Variants in NCK2 observed in about 807,000 individuals in gnomAD.
NCK2 encodes cytoplasmic protein NCK2.
NCK2 carries 16 observed loss-of-function variants against 33.9 expected under a neutral mutation model. The ratio of observed to expected loss-of-function variants is 0.47; its 90% CI spans 0.32 to 0.72. The LOEUF is 0.72. Among genes scored for constraint, NCK2 ranks in the 30% least tolerant of loss-of-function variants. NCK2 has a pLI of 0.03. For synonymous variants in NCK2, 273 were observed against 239.9 expected (o/e 1.14, Z -1.27); for missense variants, 418 against 537.3 (o/e 0.78, Z 2.19).
At chr2:105,855,891 G>A (rs1443145681) in intron 3 of NCK2, 1 of 150,068 alleles carries the variant, frequency 6.7e-6, no homozygotes, top group Non-Finnish European at 1.5e-5. Flanking sequence ...CTGGAGTGCA[G>A]TGGCACGATC....
At chr2:105,847,327 AAAAG>A (rs1173285071) in intron 2 of NCK2, 3 of 152,214 alleles carry the variant, frequency 2.0e-5, no homozygotes, top group Admixed American at 1.3e-4. Flanking sequence ...GTGAAAAAAA[AAAAG>A]AATATGGTTA....
chr2:105,840,196 A>G (rs779162818), intron 2 of NCK2, among the ~76,000 whole-genome samples: 76 of 152,264 alleles, frequency 5.0e-4, no homozygotes, highest in Admixed American at 9.1e-4. Context: ...GCTAAATGAG[A>G]TGATCCAGAA....
At chr2:105,855,423 A>G in intron 3 of NCK2, 134 bp downstream of exon 3, 1 of 674,440 alleles carries the variant, frequency 1.5e-6, no homozygotes, top group East Asian at 2.8e-5. Flanking sequence ...GTCTTTTTTA[A>G]TAATCTAAGA....
At chr2:105,789,900 G>T (rs993820037) in intron 1 of NCK2, among the ~76,000 whole-genome samples, 3 of 152,218 alleles carry the variant, frequency 2.0e-5, no homozygotes, top group African/African-American at 7.2e-5. Flanking sequence ...TAACGAACAG[G>T]TTGGATATGA....
rs191669344 is a variant in NCK2, at chr2:105,878,088, C to T, written c.227-3240C>T. ...GCAGGCAGGCTTTCTATTTTGATGG[C>T]CATCCAACACTGGTAGGATCATGGC... On this transcript the variant is annotated intron_variant, in intron 3 of 4. Coordinates refer to ENST00000233154, the MANE Select transcript of NCK2 (RefSeq NM_003581.5). Among the ~76,000 whole-genome samples the T allele has an allele frequency of 2.0e-3, 308 of 152,330 alleles. 1 individual carries two copies. The highest frequency in any genetic ancestry group is 3.4e-3 in the Non-Finnish European group (229 of 68,032).
intron 3 of NCK2, among the ~76,000 whole-genome samples, chr2:105,858,492 AC>A (rs1312213607): frequency 5.9e-5 from 9 of 152,138 alleles, no homozygotes; most frequent in East Asian, 3.9e-4. Context: ...CAATCTAGTA[AC>A]TCATGGCACC....
chr2:105,875,662 C>T (rs915400405), intron 3 of NCK2, among the ~76,000 whole-genome samples: 1 of 152,224 alleles, frequency 6.6e-6, no homozygotes, highest in Non-Finnish European at 1.5e-5. Context: ...GAGGCACCAT[C>T]TGTGAACTAG....
At chr2:105,804,994 A>G (rs1191393596) in intron 1 of NCK2, among the ~76,000 whole-genome samples, 1 of 152,194 alleles carries the variant, frequency 6.6e-6, no homozygotes, top group African/African-American at 2.4e-5. Context: ...TTGAACCATA[A>G]ATGGGGGAGA....
chr2:105,860,793 G>A (rs1211792864), intron 3 of NCK2, among the ~76,000 whole-genome samples: 1 of 125,504 alleles, frequency 8.0e-6, no homozygotes, highest in African/African-American at 3.0e-5. Flanking sequence ...TCCATGCCCC[G>A]CCCGCCTGTG....
intron 1 of NCK2, among the ~76,000 whole-genome samples, chr2:105,800,163 C>CTGG (rs1674771279): frequency 6.6e-6 from 1 of 152,214 alleles, no homozygotes; most frequent in African/African-American, 2.4e-5. Flanking sequence ...ACCGTATAGT[C>CTGG]TGGCTCTCCC....
intron 3 of NCK2, among the ~76,000 whole-genome samples, chr2:105,865,902 A>ATATTATTATTATTATTATTAT (rs61440392): frequency 0.019 from 2,771 of 148,766 alleles, 85 homozygotes; most frequent in African/African-American, 0.059. Flanking sequence ...AAAGACAGAG[A>ATATTATTATTATTATTATTAT]TATTATTATT....
rs530745897 is a variant in NCK2 at position 105,863,025 on chromosome 2, G to A, written c.226+7736G>A. 7.9e-5 allele frequency among the ~76,000 whole-genome samples: 12 copies of A among 151,922 alleles called. No homozygotes were observed. The East Asian group carries it at 2.1e-3, about 27-fold the overall frequency. On this transcript the variant is annotated intron_variant, in intron 3 of 4. Coordinates refer to ENST00000233154, the MANE Select transcript of NCK2 (RefSeq NM_003581.5). Reference sequence around the variant, plus strand: ...CATGAGAATAATACCAGATGTCAACGTGCCCAGCTGATGCTTCACAGAATG... The same window carrying A: ...CATGAGAATAATACCAGATGTCAACATGCCCAGCTGATGCTTCACAGAATG...
At chr2:105,792,969 T>C (rs1356881905) in intron 1 of NCK2, among the ~76,000 whole-genome samples, 3 of 152,208 alleles carry the variant, frequency 2.0e-5, no homozygotes, top group Admixed American at 2.0e-4. Context: ...AGTCTTTCCC[T>C]TTCTCACCAA....
chr2:105,759,700 C>G (rs923506815), intron 1 of NCK2, among the ~76,000 whole-genome samples: 1 of 152,128 alleles, frequency 6.6e-6, no homozygotes, highest in Non-Finnish European at 1.5e-5. Context: ...CTTTTTCTGT[C>G]CCAGGATCCC....
At chr2:105,825,255 G>C (rs1675897137) in intron 2 of NCK2, among the ~76,000 whole-genome samples, 1 of 152,184 alleles carries the variant, frequency 6.6e-6, no homozygotes, top group Non-Finnish European at 1.5e-5. Flanking sequence ...CATCTGTGCT[G>C]TTAACGCTGA....
At chr2:105,854,449 A>G (rs1440433416) in intron 2 of NCK2, 1 of 152,386 alleles carries the variant, frequency 6.6e-6, no homozygotes, top group Non-Finnish European at 1.5e-5. Flanking sequence ...TTAACATCTT[A>G]TGTGAATGCA....
At chr2:105,796,605 G>A (rs1691090228) in intron 1 of NCK2, among the ~76,000 whole-genome samples, 1 of 152,170 alleles carries the variant, frequency 6.6e-6, no homozygotes, top group Admixed American at 6.5e-5. Flanking sequence ...CTGGAAGGCT[G>A]GAGATGGTGC....
At chr2:105,833,909 A>G (rs553405121) in intron 2 of NCK2, among the ~76,000 whole-genome samples, 2 of 152,164 alleles carry the variant, frequency 1.3e-5, no homozygotes, top group East Asian at 3.9e-4. Context: ...TCATTGACTC[A>G]TTGTTCATTC....
At chr2:105,799,767 G>A (rs1406304557) in intron 1 of NCK2, among the ~76,000 whole-genome samples, 1 of 152,204 alleles carries the variant, frequency 6.6e-6, no homozygotes, top group East Asian at 1.9e-4. Context: ...AAGCCTAAAA[G>A]TGGTTAAGAT....
Sources: allele counts gnomAD v4.1 joint callset (sites outside exome capture counted in the v4.1 genomes callset), GRCh38; gene constraint gnomAD v4.1.1; transcripts MANE v1.5; gene names NCBI Gene and HGNC (gene_info 2026-07-23, HGNC 2026-07-21).